The following HNRNPL variants were observed in gnomAD, a reference collection of about 807,000 sequenced individuals.
The protein encoded by HNRNPL is heterogeneous nuclear ribonucleoprotein L.
A neutral mutation model predicts 64.0 loss-of-function variants in HNRNPL; 12 were observed. That is an observed-to-expected ratio of 0.19 (90% CI 0.12 to 0.30). The LOEUF (loss-of-function observed/expected upper bound fraction) is 0.30, where lower values mean the gene tolerates loss of function less well. Ranked by LOEUF, HNRNPL falls within the 10% of genes least tolerant of loss-of-function variation. The pLI is 1.00. For synonymous variants in HNRNPL, 385 were observed against 313.0 expected (o/e 1.23, Z -2.43); for missense variants, 484 against 797.4 (o/e 0.61, Z 4.73).
At chr19:38,843,261 C>T (rs1247931674) in intron 6 of HNRNPL, 1 of 153,960 alleles carries the variant, frequency 6.5e-6, no homozygotes, top group African/African-American at 2.4e-5. Context: ...TCTTGACAGA[C>T]ACTAGGAAGG....
intron 1 of HNRNPL, among the ~76,000 whole-genome samples, chr19:38,848,186 G>C (rs1600069425): frequency 6.6e-6 from 1 of 152,196 alleles, no homozygotes; most frequent in Non-Finnish European, 1.5e-5. Context: ...CGCCTCCCAG[G>C]TTCAAGCGAT....
At chr19:38,851,444 C>T (rs758436167), upstream of HNRNPL, among the ~76,000 whole-genome samples, 4 of 152,214 alleles carry the variant, frequency 2.6e-5, no homozygotes, top group Non-Finnish European at 5.9e-5. Context: ...GGGGGAACAC[C>T]TTAGCGAAGC....
intron 6 of HNRNPL, chr19:38,842,439 T>TA (rs1217515545): frequency 2.0e-5 from 3 of 152,236 alleles, no homozygotes; most frequent in Admixed American, 2.0e-4. Context: ...TAATGTTTAA[T>TA]AAAAAAAGCA....
Position 38,838,877 on chromosome 19 carries a change from C to T in HNRNPL, c.1355+17G>A, listed in dbSNP as rs8111670. 0.15 allele frequency: 236,090 copies of T among 1,613,702 alleles called. 19,232 individuals carry two copies. The highest frequency in any genetic ancestry group is 0.28 in the South Asian group (25,606 of 91,054). On this transcript the variant is annotated intron_variant, in intron 9 of 12. Coordinates refer to ENST00000221419, the MANE Select transcript of HNRNPL (RefSeq NM_001533.3). ...CTCCCCTGTACCTCTGCTGCCCTCCCGAGCCTGAGCACCTACCAGACATTC... is the reference window on the plus strand; with the variant it reads ...CTCCCCTGTACCTCTGCTGCCCTCCTGAGCCTGAGCACCTACCAGACATTC...
Position 38,847,406 on chromosome 19 carries a change from G to A in HNRNPL, c.296C>T (p.Pro99Leu). 2 of 1,550,972 alleles carry A rather than the reference G, an allele frequency of 1.3e-6. No homozygotes were observed. Among genetic ancestry groups the A allele is most frequent in the Non-Finnish European group, 1.7e-6 (2 of 1,149,584 alleles). ...CCTGATGTGGACAACTGGGGAGGCA[G>A]GGGTTTTGTGCGGGTCATCGTAGTT... ...GENYDDPHKT[P>L]ASPVVHIRGL... The change falls in exon 2 of 13, where the codon CCT becomes CTT. Residue 99 changes from proline to leucine, a missense_variant. Pro to Leu is a moderately conservative substitution (Grantham distance 98). This residue lies in a region of HNRNPL where 190 missense variants were observed against 160.1 expected (regional missense o/e 1.19). Transcript: ENST00000221419.
intron 8 of HNRNPL, chr19:38,839,696 GAC>G (rs1972046144): frequency 4.8e-6 from 1 of 206,782 alleles, no homozygotes; most frequent in Non-Finnish European, 9.9e-6. Context: ...GTCTCAGGTA[GAC>G]ACTCAGCCAC....
intron 8 of HNRNPL, among the ~76,000 whole-genome samples, chr19:38,839,857 A>G (rs1189651678): frequency 2.0e-5 from 3 of 152,210 alleles, no homozygotes; most frequent in African/African-American, 7.2e-5. Flanking sequence ...ATGTACTGGT[A>G]TTAGTACTTT....
At chr19:38,845,585 T>C in intron 4 of HNRNPL, 65 bp downstream of exon 4, 1 of 1,299,556 alleles carries the variant, frequency 7.7e-7, no homozygotes, top group African/African-American at 1.5e-5. Flanking sequence ...GCTCAAAGAA[T>C]GGCCACTGTC....
Position 38,845,673 on chromosome 19 carries a change from C to T in HNRNPL, c.687G>A (p.Lys229=). 6.2e-7 allele frequency: 1 copy of T among 1,613,750 alleles called. No homozygotes were observed. The highest frequency in any genetic ancestry group is 8.5e-7 in the Non-Finnish European group (1 of 1,179,642). ...ATTCCACCATCGCCTGAACTCCATTCTTCCTGAAAATGACAATTCTCTGGA... is the reference window on the plus strand; with the variant it reads ...ATTCCACCATCGCCTGAACTCCATTTTTCCTGAAAATGACAATTCTCTGGA... ...GPVQRIVIFR[K]NGVQAMVEFD... Residue 229 remains lysine (K), a synonymous_variant, in exon 4 of 13, where the codon AAG becomes AAA. Coordinates refer to ENST00000221419, the MANE Select transcript of HNRNPL (RefSeq NM_001533.3).
intron 10 of HNRNPL, among the ~76,000 whole-genome samples, chr19:38,837,921 ACT>A (rs1012369748): frequency 6.6e-5 from 10 of 152,166 alleles, no homozygotes; most frequent in African/African-American, 2.2e-4. Context: ...TTTGCTGAAC[ACT>A]GTTTGCTGAA....
intron 12 of HNRNPL, 77 bp downstream of exon 12, chr19:38,837,307 G>A: frequency 1.8e-6 from 2 of 1,142,512 alleles, no homozygotes; most frequent in Non-Finnish European, 2.7e-6. Flanking sequence ...TCAAGGGCAG[G>A]AAGGACATCC....
chr19:38,850,661 C>A (rs558334252), upstream of HNRNPL, among the ~76,000 whole-genome samples: 1 of 152,226 alleles, frequency 6.6e-6, no homozygotes, highest in African/African-American at 2.4e-5. Flanking sequence ...TATGGAGCGA[C>A]CGCTGTGTGT....
chr19:38,841,676 T>C (rs1972122147), intron 6 of HNRNPL: 2 of 1,275,722 alleles, frequency 1.6e-6, no homozygotes, highest in Non-Finnish European at 2.0e-6. Flanking sequence ...AAACATACAC[T>C]GCGACCCTGC....
intron 1 of HNRNPL, 188 bp downstream of exon 1, chr19:38,849,512 G>A (rs1264134372): frequency 3.9e-6 from 3 of 773,672 alleles, no homozygotes; most frequent in Non-Finnish European, 1.8e-6. Context: ...CGGACCCCGC[G>A]CACGCGCAGG....
chr19:38,842,581 G>C (rs1972152214), intron 6 of HNRNPL, among the ~76,000 whole-genome samples: 1 of 152,084 alleles, frequency 6.6e-6, no homozygotes, highest in Admixed American at 6.5e-5. Context: ...CTGTTTCTGG[G>C]GACGTGGTGG....
chr19:38,846,726 G>T (rs1460355827), intron 2 of HNRNPL, among the ~76,000 whole-genome samples: 2 of 152,152 alleles, frequency 1.3e-5, no homozygotes, highest in African/African-American at 2.4e-5. Context: ...GGCTAACACA[G>T]CGAAACCCCA....
In HNRNPL at chr19:38,845,721, A is replaced by C; in HGVS notation, c.639T>G (p.Thr213=). Residue 213 remains threonine, a synonymous_variant, in exon 4 of 13, where the codon ACT becomes ACG. Transcript: ENST00000221419. ...IYSITTDVLY[T]ICNPCGPVQR... Reference sequence around the variant, plus strand: ...GGACAGGGCCACAAGGATTACAGATAGTGTAAAGAACATCCTGCAAAAGCA... The same window carrying C: ...GGACAGGGCCACAAGGATTACAGATCGTGTAAAGAACATCCTGCAAAAGCA... 1 of 1,613,948 alleles carries C rather than the reference A, an allele frequency of 6.2e-7. No homozygotes were observed. The highest frequency in any genetic ancestry group is 8.5e-7 in the Non-Finnish European group (1 of 1,179,802).
chr19:38,844,256 T>C, intron 4 of HNRNPL, 152 bp from the exon 5 acceptor site: 1 of 623,314 alleles, frequency 1.6e-6, no homozygotes, highest in Admixed American at 2.7e-5. Context: ...TAGCCTCAGG[T>C]TAAGAGACCA....
chr19:38,838,772 C>A, intron 9 of HNRNPL, 122 bp downstream of exon 9: 2 of 1,413,992 alleles, frequency 1.4e-6, no homozygotes, highest in African/African-American at 1.4e-5. Context: ...GGGAACACAC[C>A]TGCCACATCC....
Sources: allele counts gnomAD v4.1 joint callset (sites outside exome capture counted in the v4.1 genomes callset), GRCh38; gene constraint gnomAD v4.1.1; regional missense constraint gnomAD v4.1.1; transcripts MANE v1.5; gene names NCBI Gene and HGNC (gene_info 2026-07-23, HGNC 2026-07-21).